The following FHIT variants were observed in gnomAD, a reference collection of about 807,000 sequenced individuals.
The protein encoded by FHIT is fragile histidine triad diadenosine triphosphatase, also known as bis(5'-adenosyl)-triphosphatase.
In FHIT, 19 loss-of-function variants were observed where a neutral mutation model predicts 17.9. The ratio of observed to expected loss-of-function variants is 1.06; its 90% CI spans 0.74 to 1.56. The LOEUF (loss-of-function observed/expected upper bound fraction) is 1.56. Among genes scored for constraint, FHIT ranks in the 40% most tolerant of loss-of-function variants. The pLI is 0.00. For synonymous variants in FHIT, 81 were observed against 69.7 expected, an observed-to-expected ratio of 1.16 and a Z score of -0.81; for missense variants, 248 against 189.2, an observed-to-expected ratio of 1.31 and a Z score of -1.82.
intron 5 of FHIT, among the ~76,000 whole-genome samples, chr3:60,156,662 GGATTACTTGAGCCT>G (rs1207350192): frequency 1.3e-5 from 2 of 152,006 alleles, no homozygotes; most frequent in Non-Finnish European, 2.9e-5. Flanking sequence ...TGAGGTGAGA[GGATTACTTGAGCCT>G]AAGAAGTTGA....
intron 5 of FHIT, among the ~76,000 whole-genome samples, chr3:60,403,609 T>A (rs970271128): frequency 6.6e-6 from 1 of 152,112 alleles, no homozygotes; most frequent in Non-Finnish European, 1.5e-5. Flanking sequence ...TAATTATAGG[T>A]CATTAGACCC....
intron 5 of FHIT, among the ~76,000 whole-genome samples, chr3:60,149,839 A>G (rs1700386636): frequency 1.4e-5 from 2 of 144,748 alleles, no homozygotes; most frequent in Admixed American, 1.4e-4. Flanking sequence ...GACCTAATCC[A>G]TTCTAATCAG....
At chr3:60,060,887 A>C (rs1020599695) in intron 5 of FHIT, among the ~76,000 whole-genome samples, 1 of 152,246 alleles carries the variant, frequency 6.6e-6, no homozygotes, top group African/African-American at 2.4e-5. Flanking sequence ...AATTTCAGGA[A>C]CAAAAACTTT....
chr3:59,822,957 A>G (rs1270284259), intron 8 of FHIT, among the ~76,000 whole-genome samples: 1 of 152,118 alleles, frequency 6.6e-6, no homozygotes, highest in Non-Finnish European at 1.5e-5. Context: ...TCCTTGATTC[A>G]TGTTCTGTTG....
chr3:60,091,878 C>T (rs9860502), intron 5 of FHIT, among the ~76,000 whole-genome samples: 9,373 of 152,160 alleles, frequency 0.062, 517 homozygotes, highest in African/African-American at 0.14. Context: ...GTATGGCATA[C>T]AGAACTGTGA....
intron 8 of FHIT, chr3:59,886,087 T>C (rs1192221508): frequency 1.3e-5 from 2 of 152,234 alleles, no homozygotes; most frequent in Non-Finnish European, 2.9e-5. Context: ...CTGAATATCA[T>C]AGCATCGCAG....
chr3:60,486,771 T>G (rs543481849), intron 5 of FHIT, among the ~76,000 whole-genome samples: 3 of 152,172 alleles, frequency 2.0e-5, no homozygotes, highest in Non-Finnish European at 4.4e-5. Context: ...TCAACGGATA[T>G]CCTCTCACCA....
intron 5 of FHIT, among the ~76,000 whole-genome samples, chr3:60,205,863 T>C (rs956832851): frequency 6.6e-6 from 1 of 151,676 alleles, no homozygotes; most frequent in Non-Finnish European, 1.5e-5. Context: ...AATCCCAGCA[T>C]TTTGGGAGGC....
Position 60,686,014 on chromosome 3 carries a change from T to C in FHIT, c.-18+135905A>G, listed in dbSNP as rs75060461. On this transcript the variant is annotated intron_variant, in intron 4 of 9. Coordinates refer to ENST00000492590, the MANE Select transcript of FHIT (RefSeq NM_002012.4). Reference sequence around the variant, plus strand: ...ACAGTGTAAGTTGGTCTGCTGGCAATAAATATTCTGTTTTTGTTTTTCTGA... The same window carrying C: ...ACAGTGTAAGTTGGTCTGCTGGCAACAAATATTCTGTTTTTGTTTTTCTGA... Among the ~76,000 whole-genome samples the C allele has an allele frequency of 7.1e-3, 1,077 of 152,320 alleles. 7 individuals carry two copies. Among genetic ancestry groups the C allele is most frequent in the South Asian group, 0.026 (124 of 4,820 alleles).
At chr3:60,752,141 G>T (rs2042480363) in intron 4 of FHIT, among the ~76,000 whole-genome samples, 1 of 152,108 alleles carries the variant, frequency 6.6e-6, no homozygotes, top group African/African-American at 2.4e-5. Context: ...TCAAATTTCA[G>T]GTGAGTCTTA....
chr3:60,382,185 C>T (rs1384052803), intron 5 of FHIT, among the ~76,000 whole-genome samples: 1 of 152,152 alleles, frequency 6.6e-6, no homozygotes, highest in Admixed American at 6.5e-5. Flanking sequence ...AATTGGCATC[C>T]TGGAGTAGAA....
At chr3:60,801,995 T>C (rs958188452) in intron 4 of FHIT, among the ~76,000 whole-genome samples, 1 of 152,178 alleles carries the variant, frequency 6.6e-6, no homozygotes, top group African/African-American at 2.4e-5. Context: ...AGAAGTATCA[T>C]TCATAAGGGG....
intron 5 of FHIT, among the ~76,000 whole-genome samples, chr3:60,341,890 G>A (rs1043633047): frequency 6.6e-6 from 1 of 152,154 alleles, no homozygotes; most frequent in Non-Finnish European, 1.5e-5. Context: ...GCAGAATTTT[G>A]TTCCTTAGTT....
At chr3:60,826,184 A>T (rs1358769845) in intron 3 of FHIT, among the ~76,000 whole-genome samples, 3 of 136,796 alleles carry the variant, frequency 2.2e-5, no homozygotes, top group African/African-American at 7.1e-5. Flanking sequence ...GAAGGAAGGA[A>T]GGAAGGAAGG....
intron 3 of FHIT, among the ~76,000 whole-genome samples, chr3:60,829,827 A>T (rs1702258113): frequency 6.6e-6 from 1 of 152,192 alleles, no homozygotes; most frequent in Non-Finnish European, 1.5e-5. Flanking sequence ...TTTTGAGCTG[A>T]TTATTTTGAG....
At chr3:60,580,478 G>A (rs1553659382) in intron 4 of FHIT, among the ~76,000 whole-genome samples, 2 of 152,042 alleles carry the variant, frequency 1.3e-5, no homozygotes, top group African/African-American at 2.4e-5. Context: ...ATCTTTAGCT[G>A]ATTTAAACCT....
chr3:60,027,153 T>A (rs1341518084), intron 5 of FHIT, among the ~76,000 whole-genome samples: 70 of 91,920 alleles, frequency 7.6e-4, no homozygotes, highest in East Asian at 1.2e-3. Context: ...ACACACAAAA[T>A]TAGTAAACCC....
At chr3:61,205,760 C>T (rs1214880736) in intron 1 of FHIT, among the ~76,000 whole-genome samples, 2 of 152,110 alleles carry the variant, frequency 1.3e-5, no homozygotes, top group South Asian at 2.1e-4. Flanking sequence ...TTCTCCCATT[C>T]TGTAGGTTGC....
intron 3 of FHIT, among the ~76,000 whole-genome samples, chr3:60,931,333 G>C (rs1051436634): frequency 2.6e-5 from 4 of 152,030 alleles, no homozygotes; most frequent in Non-Finnish European, 5.9e-5. Flanking sequence ...CCTGCACGTT[G>C]TGCACATGTA....
Sources: allele counts gnomAD v4.1 joint callset (sites outside exome capture counted in the v4.1 genomes callset), GRCh38; gene constraint gnomAD v4.1.1; transcripts MANE v1.5; gene names NCBI Gene and HGNC (gene_info 2026-07-23, HGNC 2026-07-21).